Variants in VPS26A observed in about 807,000 individuals in gnomAD.
VPS26A encodes the protein VPS26 retromer complex component A.
Under a neutral mutation model 42.4 loss-of-function variants are expected in VPS26A, and 22 were observed. That is an observed-to-expected ratio of 0.52 (90% CI 0.37 to 0.74). The LOEUF is 0.74. VPS26A is among the 30% of genes least tolerant of loss of function. VPS26A has a pLI of 0.00. For synonymous variants in VPS26A, 110 were observed against 123.5 expected, an observed-to-expected ratio of 0.89 and a Z score of 0.73; for missense variants, 276 against 379.2, an observed-to-expected ratio of 0.73 and a Z score of 2.26.
intron 6 of VPS26A, among the ~76,000 whole-genome samples, chr10:69,164,191 A>C (rs1488416326): frequency 6.6e-6 from 1 of 151,178 alleles, no homozygotes; most frequent in African/African-American, 2.4e-5. Context: ...ATGTGTAGAA[A>C]CTATATATTA....
chr10:69,142,365 T>A (rs12254103), intron 2 of VPS26A, among the ~76,000 whole-genome samples: 8,004 of 26,502 alleles, frequency 0.3, 567 homozygotes, highest in Non-Finnish European at 0.34. Flanking sequence ...ATTAAAAAAA[T>A]TTTTTTTTTT....
In VPS26A at chr10:69,132,926, T is replaced by C. The variant is rs774573506; in HGVS notation, c.32T>C (p.Ile11Thr). The C allele has an allele frequency of 6.3e-7, 1 of 1,594,178 alleles. No individual in the cohort carries two copies. The highest frequency in any genetic ancestry group is 1.2e-5 in the South Asian group (1 of 86,288). ...TTTCTTGGAGGCTTTTTTGGTCCAA[T>C]TTGTGAGATCGATATTGTTCTTAAT... MSFLGGFFGP[I>T]CEIDIVLNDG... The change falls in exon 2 of 9, where the codon ATT becomes ACT. Residue 11 changes from isoleucine to threonine, a missense_variant. By Grantham distance (89) the Ile-to-Thr change is moderately conservative. Coordinates refer to ENST00000263559, the MANE Select transcript of VPS26A (RefSeq NM_004896.5).
In VPS26A at chr10:69,172,355, C is replaced by T. The variant is rs1166097879; in HGVS notation, c.*1086C>T. Reference sequence around the variant, plus strand: ...TTTAAGTCTCTAAAAAAGAAGATTGCAGTCATCCATTCATATGCATGGGGT... The same window carrying T: ...TTTAAGTCTCTAAAAAAGAAGATTGTAGTCATCCATTCATATGCATGGGGT... On this transcript the variant is annotated 3_prime_UTR_variant, in exon 9 of 9. Transcript: ENST00000263559. 1.3e-5 allele frequency: 2 copies of T among 152,166 alleles called. No individual in the cohort carries two copies. The highest frequency in any genetic ancestry group is 4.8e-5 in the African/African-American group (2 of 41,428). The allele number at this position is 152,166 out of a possible 1,614,324, so 9.4% of individuals were successfully genotyped here. A position where few individuals can be genotyped will look rare whatever the true frequency, so the allele number is the denominator to read the frequency against.
intron 1 of VPS26A, among the ~76,000 whole-genome samples, chr10:69,132,669 C>T (rs918203033): frequency 3.3e-5 from 5 of 152,132 alleles, no homozygotes; most frequent in African/African-American, 1.2e-4. Context: ...TCTTGAACTC[C>T]TGACCTCAGG....
chr10:69,124,183 CA>C lies in VPS26A; in HGVS notation c.-94del. On this transcript the variant is annotated 5_prime_UTR_variant, in exon 1 of 9. Transcript: ENST00000263559. The stretch of plus-strand genomic sequence containing the variant: ...TCACGTGTGAGGGGCGGCCCGAGGT[CA>C]CGTGACGGAGCGCCGGAGCGGAGGG... 1 of 1,240,210 alleles carries C rather than the reference CA, an allele frequency of 8.1e-7. No individual in the cohort carries two copies. Among genetic ancestry groups the C allele is most frequent in the African/African-American group, 1.6e-5 (1 of 64,376 alleles). The allele number at this position is 1,240,210 out of a possible 1,614,324, so 76.8% of individuals were successfully genotyped here.
chr10:69,132,966 G>A lies in VPS26A; in HGVS notation c.72G>A (p.Arg24=). ...TTGTTCTTAATGATGGGGAAACCAG[G>A]AAAATGGCAGAAATGAAAACTGAAG... ...IDIVLNDGET[R]KMAEMKTEDG... is the part of the protein sequence containing the mutation. Residue 24 remains arginine, a synonymous_variant, in exon 2 of 9, where the codon AGG becomes AGA. Transcript: ENST00000263559. The A allele has an allele frequency of 6.2e-7, 1 of 1,612,312 alleles. No individual in the cohort carries two copies.
At chr10:69,163,924 C>A (rs898680482) in intron 6 of VPS26A, among the ~76,000 whole-genome samples, 5 of 151,482 alleles carry the variant, frequency 3.3e-5, no homozygotes, top group Middle Eastern at 3.4e-3. Context: ...CACCATCACG[C>A]CCGGCTAATT....
intron 2 of VPS26A, among the ~76,000 whole-genome samples, chr10:69,154,883 GCGCGCA>G (rs777573644): frequency 2.6e-5 from 4 of 152,284 alleles, no homozygotes; most frequent in African/African-American, 4.8e-5. Context: ...GTGTGTGTGT[GCGCGCA>G]CGCGCACGTG....
At position 69,168,545 on chromosome 10, in the gene VPS26A, A is replaced by G. The variant is rs756932420; in HGVS notation, c.784A>G (p.Arg262Gly). ...AGGATATGACCCAACTCCAACAATGAGAGATGTGAACAAAAAATTTTCAGT... is the reference window on the plus strand; with the variant it reads ...AGGATATGACCCAACTCCAACAATGGGAGATGTGAACAAAAAATTTTCAGT... ...LAGYDPTPTM[R>G]DVNKKFSVRY... Residue 262 changes from arginine to glycine, a missense_variant, in exon 8 of 9, where the codon AGA (arginine) becomes GGA (glycine). Coordinates refer to ENST00000263559, the MANE Select transcript of VPS26A (RefSeq NM_004896.5). 2 of 1,614,156 alleles carry G rather than the reference A, an allele frequency of 1.2e-6. No homozygotes were observed. Among genetic ancestry groups the G allele is most frequent in the Non-Finnish European group, 1.7e-6 (2 of 1,180,024 alleles).
intron 6 of VPS26A, among the ~76,000 whole-genome samples, chr10:69,162,862 G>T (rs903590232): frequency 3.3e-5 from 5 of 152,146 alleles, no homozygotes; most frequent in African/African-American, 9.7e-5. Context: ...AAACTCCTGT[G>T]CTGATCAGTA....
chr10:69,133,787 G>C (rs1007018925), intron 2 of VPS26A: 1 of 345,140 alleles, frequency 2.9e-6, no homozygotes, highest in South Asian at 2.3e-5. Context: ...CCTGGACTCA[G>C]GTGATTCTCC....
intron 1 of VPS26A, among the ~76,000 whole-genome samples, chr10:69,129,609 G>A (rs1302545455): frequency 1.3e-5 from 2 of 151,490 alleles, no homozygotes; most frequent in Admixed American, 6.6e-5. Context: ...GTGCAGTGGC[G>A]CGATCTCGGC....
At chr10:69,165,077 G>A (rs1200908492) in intron 6 of VPS26A, among the ~76,000 whole-genome samples, 1 of 151,734 alleles carries the variant, frequency 6.6e-6, no homozygotes, top group African/African-American at 2.4e-5. Flanking sequence ...ATAGGCACAC[G>A]CCAACATGCC....
chr10:69,134,931 T>TAA (rs531176644), intron 2 of VPS26A, among the ~76,000 whole-genome samples: 1 of 146,076 alleles, frequency 6.8e-6, no homozygotes, highest in Non-Finnish European at 1.5e-5. Context: ...TGTATCTATT[T>TAA]AAAAAAAAAA....
chr10:69,164,701 T>C (rs10823306), intron 6 of VPS26A, among the ~76,000 whole-genome samples: 71,265 of 151,996 alleles, frequency 0.47, 19,063 homozygotes, highest in Middle Eastern at 0.72. Flanking sequence ...AAAATAATTT[T>C]CTGTGCTTGA....
At chr10:69,150,181 TTTGC>T (rs1284250375) in intron 2 of VPS26A, among the ~76,000 whole-genome samples, 2 of 151,800 alleles carry the variant, frequency 1.3e-5, no homozygotes, top group African/African-American at 4.8e-5. Context: ...AGCCTCCCAA[TTTGC>T]TGGGACTAGA....
At chr10:69,135,294 A>G (rs1188690263) in intron 2 of VPS26A, among the ~76,000 whole-genome samples, 1 of 152,248 alleles carries the variant, frequency 6.6e-6, no homozygotes, top group Non-Finnish European at 1.5e-5. Flanking sequence ...TAAGTCTTGT[A>G]GAGAATATCT....
intron 1 of VPS26A, 44 bp downstream of exon 1, chr10:69,124,324 C>T: frequency 8.1e-7 from 1 of 1,238,050 alleles, no homozygotes; most frequent in East Asian, 3.2e-5. Flanking sequence ...GCCCTCGTCC[C>T]GGAGCGCGCG....
At chr10:69,138,061 C>A (rs529326198) in intron 2 of VPS26A, among the ~76,000 whole-genome samples, 1 of 152,212 alleles carries the variant, frequency 6.6e-6, no homozygotes, top group East Asian at 1.9e-4. Flanking sequence ...CCCCTGATCT[C>A]TGTTTCTATG....
Sources: gnomAD v4.1 joint callset for allele counts (sites outside exome capture counted in the v4.1 genomes callset) on GRCh38, gnomAD v4.1.1 for gene constraint, MANE v1.5 for transcripts, NCBI Gene and HGNC (gene_info 2026-07-23, HGNC 2026-07-21) for gene names.